Variants in NPRL3 observed in about 807,000 individuals in gnomAD.
The protein encoded by NPRL3 is NPR3 like, GATOR1 complex subunit.
Under a neutral mutation model 57.2 loss-of-function variants are expected in NPRL3, and 23 were observed. The observed-to-expected ratio is 0.40, with a 90% CI of 0.29 to 0.57. The LOEUF (loss-of-function observed/expected upper bound fraction) is 0.57. Ranked by LOEUF, NPRL3 falls within the 20% of genes least tolerant of loss-of-function variation. The pLI, the probability that NPRL3 is intolerant of heterozygous loss-of-function variation, is 0.42. For missense variants in NPRL3, 691 were observed against 767.1 expected, an observed-to-expected ratio of 0.90 and a Z score of 1.17; for synonymous variants, 333 against 321.1, an observed-to-expected ratio of 1.04 and a Z score of -0.39.
At chr16:89,547 T>C (rs1898665019) in intron 12 of NPRL3, 166 bp downstream of exon 12, 3 of 605,032 alleles carry the variant, frequency 5.0e-6, no homozygotes, top group East Asian at 6.7e-5. Flanking sequence ...ACGGTGGTGC[T>C]AGGAGACAGG....
At chr16:110,927 C>T (rs1419604700) in intron 6 of NPRL3, among the ~76,000 whole-genome samples, 1 of 152,098 alleles carries the variant, frequency 6.6e-6, no homozygotes, top group Non-Finnish European at 1.5e-5. Context: ...GTCTTTTATT[C>T]ATCCTTTTTC....
At position 93,564 on chromosome 16, in the gene NPRL3, G is replaced by GT. The variant is rs34541011; in HGVS notation, c.925-240dup. Among the ~76,000 whole-genome samples the GT allele has an allele frequency of 0.036, 4,892 of 135,426 alleles. 212 individuals are homozygous for GT. Among genetic ancestry groups the GT allele is most frequent in the African/African-American group, 0.1 (3,751 of 36,164 alleles). The allele number at this position is 135,426 out of a possible 152,430, so 88.8% of individuals were successfully genotyped here. A position where few individuals can be genotyped will look rare whatever the true frequency, so the allele number is the denominator to read the frequency against. ...CACACAGCACTTTCTGTGAGCAATG[G>GT]TTTTTTTTTTTTTTTTTTTGGAGAC... On this transcript the variant is annotated intron_variant, in intron 9 of 13. Transcript: ENST00000611875.
chr16:87,283 T>A (rs184150922), intron 13 of NPRL3, among the ~76,000 whole-genome samples: 38 of 151,928 alleles, frequency 2.5e-4, no homozygotes, highest in Non-Finnish European at 4.6e-4. Context: ...CCAGGCTAGA[T>A]TGCAGTGGCT....
intron 9 of NPRL3, among the ~76,000 whole-genome samples, chr16:96,399 G>A (rs1015249151): frequency 2.0e-5 from 3 of 152,118 alleles, no homozygotes; most frequent in African/African-American, 7.2e-5. Flanking sequence ...GAGGGTCACT[G>A]CCTCCCTCAC....
At chr16:131,924 C>T (rs1371838440) in intron 2 of NPRL3, among the ~76,000 whole-genome samples, 1 of 152,062 alleles carries the variant, frequency 6.6e-6, no homozygotes, top group Non-Finnish European at 1.5e-5. Flanking sequence ...ATATAATATT[C>T]GAAATCTCTG....
chr16:116,797 C>CT (rs1555443792), intron 5 of NPRL3, among the ~76,000 whole-genome samples: 1 of 143,752 alleles, frequency 7.0e-6, no homozygotes, highest in African/African-American at 2.6e-5. Context: ...ACCCCCCCCC[C>CT]CCACCGATCT....
At position 138,661 on chromosome 16, in the gene NPRL3, C is replaced by A. The variant is rs1379600692; in HGVS notation, c.-87G>T. 1 of 207,934 alleles carries A rather than the reference C, an allele frequency of 4.8e-6. No individual in the cohort carries two copies. The highest frequency in any genetic ancestry group is 6.3e-5 in the South Asian group (1 of 15,786). 12.9% of individuals were successfully genotyped at this position (207,934 alleles called of 1,614,324 possible). ...ACCAACCCACGTGCCACGCTCCGGGCTCGCGAGACTTCGGCGACACCGTCC... is the reference window on the plus strand; with the variant it reads ...ACCAACCCACGTGCCACGCTCCGGGATCGCGAGACTTCGGCGACACCGTCC... On this transcript the variant is annotated 5_prime_UTR_variant, in exon 1 of 14. Transcript: ENST00000611875.
chr16:85,661 C>A lies in NPRL3; in HGVS notation c.*1044G>T, dbSNP rs150131864. ...TGAGCCGGCTGTAGTGGCAGCAGCC[C>A]GGGTGGGCGTCGGCCATGCAGGGGA... On this transcript the variant is annotated 3_prime_UTR_variant, in exon 14 of 14. Transcript: ENST00000611875. 501 of 1,584,282 alleles carry A rather than the reference C, an allele frequency of 3.2e-4. 6 individuals carry two copies. In the Admixed American group the frequency reaches 8.5e-3, roughly 27 times the overall value.
Position 93,232 on chromosome 16 carries a change from C to G in NPRL3, c.1018G>C (p.Ala340Pro). The G allele has an allele frequency of 6.4e-7, 1 of 1,554,186 alleles. No individual in the cohort carries two copies. The highest frequency in any genetic ancestry group is 1.9e-5 in the Admixed American group (1 of 51,334). The change falls in exon 10 of 14, where the codon GCC becomes CCC. Residue 340 changes from alanine to proline, a missense_variant. Coordinates refer to ENST00000611875, the MANE Select transcript of NPRL3 (RefSeq NM_001077350.3). ...AGCAGCACTCACAGACATACGCTGG[C>G]ATTGGGAGACAGCATGTAGACGTTG... ...ENNVYMLSPN[A>P]SVCLYSPLAE... is the part of the protein sequence containing the mutation.
chr16:109,782 T>A (rs975874372), intron 7 of NPRL3, among the ~76,000 whole-genome samples: 1 of 152,178 alleles, frequency 6.6e-6, no homozygotes, highest in Non-Finnish European at 1.5e-5. Flanking sequence ...AGGTGGGGAA[T>A]GGGATCTCTG....
At chr16:125,631 T>C in intron 3 of NPRL3, 1 of 152,402 alleles carries the variant, frequency 6.6e-6, no homozygotes, top group Non-Finnish European at 1.5e-5. Flanking sequence ...TTCTAAAGAA[T>C]GTGCCCAAGA....
chr16:114,068 A>G lies in NPRL3; in HGVS notation c.394-1293T>C, dbSNP rs191479571. Reference sequence around the variant, plus strand: ...GTGTATACAATTGCCTCAAAACAAAATACCCACCTAGAAGAAGAATCTGTG... The same window carrying G: ...GTGTATACAATTGCCTCAAAACAAAGTACCCACCTAGAAGAAGAATCTGTG... On this transcript the variant is annotated intron_variant, in intron 5 of 13. Coordinates refer to ENST00000611875, the MANE Select transcript of NPRL3 (RefSeq NM_001077350.3). Among the ~76,000 whole-genome samples the G allele has an allele frequency of 6.8e-3, 1,038 of 152,308 alleles. 4 individuals are homozygous for G. The highest frequency in any genetic ancestry group is 0.011 in the Non-Finnish European group (768 of 68,020).
At chr16:104,839 G>A (rs77889135) in intron 7 of NPRL3, among the ~76,000 whole-genome samples, 336 of 152,202 alleles carry the variant, frequency 2.2e-3, no homozygotes, top group Non-Finnish European at 3.8e-3. Context: ...GAAAGGTGCC[G>A]GCCCAACCTC....
At chr16:128,823 G>A (rs1178847265) in intron 3 of NPRL3, among the ~76,000 whole-genome samples, 1 of 151,860 alleles carries the variant, frequency 6.6e-6, no homozygotes, top group East Asian at 1.9e-4. Flanking sequence ...TCACTGCCTT[G>A]CTCCAGGAAC....
At chr16:137,982 G>A (rs1419693169) in intron 2 of NPRL3, among the ~76,000 whole-genome samples, 168 bp downstream of exon 2, 2 of 151,880 alleles carry the variant, frequency 1.3e-5, no homozygotes, top group African/African-American at 4.8e-5. Context: ...GGTGAACAAT[G>A]CATGATTTTA....
At chr16:94,727 G>A (rs1297293790) in intron 9 of NPRL3, among the ~76,000 whole-genome samples, 1 of 152,098 alleles carries the variant, frequency 6.6e-6, no homozygotes, top group Non-Finnish European at 1.5e-5. Flanking sequence ...TGCCCCCAAT[G>A]GCTCCGCCAA....
At chr16:130,632 G>C (rs1337982589) in intron 2 of NPRL3, 41 bp from the exon 3 acceptor site, 3 of 1,540,658 alleles carry the variant, frequency 1.9e-6, no homozygotes, top group South Asian at 1.2e-5. Context: ...AAGAAAACAG[G>C]GTCCTTCCAC....
intron 8 of NPRL3, among the ~76,000 whole-genome samples, chr16:100,077 C>G (rs547543871): frequency 6.6e-6 from 1 of 152,014 alleles, no homozygotes; most frequent in Non-Finnish European, 1.5e-5. Flanking sequence ...AGATGAAGTC[C>G]CTCCAGCCCT....
chr16:96,839 T>A (rs953111353), intron 9 of NPRL3, among the ~76,000 whole-genome samples: 1 of 151,862 alleles, frequency 6.6e-6, no homozygotes, highest in Non-Finnish European at 1.5e-5. Context: ...TCACAGAGGA[T>A]AGATAAAGGG....
Sources: allele counts gnomAD v4.1 joint callset (sites outside exome capture counted in the v4.1 genomes callset), GRCh38; gene constraint gnomAD v4.1.1; transcripts MANE v1.5; gene names NCBI Gene and HGNC (gene_info 2026-07-23, HGNC 2026-07-21).